TBC1D5: variants seen among roughly 807,000 people sequenced by gnomAD.
TBC1D5 encodes the protein TBC1 domain family member 5.
A neutral mutation model predicts 100.3 loss-of-function variants in TBC1D5; 75 were observed. That is an observed-to-expected ratio of 0.75 (90% CI 0.62 to 0.91). The LOEUF is 0.91. TBC1D5 is among the 40% of genes least tolerant of loss of function. The pLI is 0.00. For missense variants in TBC1D5, 910 were observed against 942.4 expected, an observed-to-expected ratio of 0.97 and a Z score of 0.45; for synonymous variants, 323 against 325.6, an observed-to-expected ratio of 0.99 and a Z score of 0.09.
At chr3:17,203,448 G>A (rs1575933196) in intron 18 of TBC1D5, among the ~76,000 whole-genome samples, 1 of 152,318 alleles carries the variant, frequency 6.6e-6, no homozygotes, top group African/African-American at 2.4e-5. Flanking sequence ...GTTAAGACAG[G>A]ACTGTTGAGA....
At chr3:17,163,235 G>C (rs1479971226) in intron 21 of TBC1D5, among the ~76,000 whole-genome samples, 1 of 146,612 alleles carries the variant, frequency 6.8e-6, no homozygotes, top group Non-Finnish European at 1.5e-5. Context: ...CAGGGCCTTA[G>C]CAGCCATTTT....
chr3:17,727,953 C>T (rs549233558), intron 1 of TBC1D5, among the ~76,000 whole-genome samples: 1 of 152,258 alleles, frequency 6.6e-6, no homozygotes, highest in East Asian at 1.9e-4. Context: ...AATAAATGTT[C>T]ACTCTAAGAA....
At chr3:17,530,219 G>C (rs2096201382) in intron 2 of TBC1D5, among the ~76,000 whole-genome samples, 1 of 150,562 alleles carries the variant, frequency 6.6e-6, no homozygotes, top group South Asian at 2.1e-4. Context: ...ATTCCAGTCT[G>C]GGCGACAGAG....
At chr3:17,283,668 A>C (rs2080846565) in intron 15 of TBC1D5, among the ~76,000 whole-genome samples, 1 of 152,156 alleles carries the variant, frequency 6.6e-6, no homozygotes, top group Admixed American at 6.5e-5. Context: ...AGTAGTTTAT[A>C]ATAAGAAAAT....
intron 1 of TBC1D5, among the ~76,000 whole-genome samples, chr3:17,659,048 G>A (rs1377607023): frequency 6.6e-6 from 1 of 152,172 alleles, no homozygotes; most frequent in Non-Finnish European, 1.5e-5. Context: ...CCCATCCTTA[G>A]GAAGCAAATG....
chr3:17,456,646 A>G (rs1002326155), intron 3 of TBC1D5, among the ~76,000 whole-genome samples: 26 of 152,218 alleles, frequency 1.7e-4, no homozygotes, highest in Non-Finnish European at 1.0e-4. Flanking sequence ...AAGACAGCCA[A>G]TAACAAATGC....
intron 1 of TBC1D5, among the ~76,000 whole-genome samples, chr3:17,719,479 A>C (rs568346218): frequency 3.9e-5 from 6 of 152,170 alleles, no homozygotes; most frequent in Admixed American, 3.9e-4. Flanking sequence ...GTTTAACCTC[A>C]GTTTTCTTAA....
At chr3:17,260,478 T>C (rs1038853516) in intron 15 of TBC1D5, among the ~76,000 whole-genome samples, 13 of 152,176 alleles carry the variant, frequency 8.5e-5, no homozygotes, top group African/African-American at 2.9e-4. Flanking sequence ...TTGCTTTCAC[T>C]GAGGCCTATT....
intron 17 of TBC1D5, among the ~76,000 whole-genome samples, chr3:17,235,008 T>TATGTAC (rs1254590813): frequency 7.9e-5 from 12 of 152,170 alleles, no homozygotes; most frequent in Admixed American, 2.6e-4. Context: ...GTACTCTAAA[T>TATGTAC]TCACTGATAA....
intron 7 of TBC1D5, among the ~76,000 whole-genome samples, chr3:17,403,727 T>C (rs1187221767): frequency 6.6e-6 from 1 of 152,142 alleles, no homozygotes; most frequent in East Asian, 1.9e-4. Flanking sequence ...AGAAACTTCA[T>C]CATCTGCAGA....
intron 3 of TBC1D5, among the ~76,000 whole-genome samples, chr3:17,491,746 T>C (rs1232933521): frequency 6.6e-6 from 1 of 152,194 alleles, no homozygotes; most frequent in Non-Finnish European, 1.5e-5. Context: ...ATCAGGGATG[T>C]TGCCTTAAGT....
intron 15 of TBC1D5, among the ~76,000 whole-genome samples, chr3:17,281,945 G>T (rs114091712): frequency 0.013 from 1,978 of 151,902 alleles, 35 homozygotes; most frequent in African/African-American, 0.045. Flanking sequence ...CTTATGATTT[G>T]TAATCTTCAA....
intron 1 of TBC1D5, among the ~76,000 whole-genome samples, chr3:17,647,407 G>A (rs1021646675): frequency 6.6e-6 from 1 of 152,262 alleles, no homozygotes; most frequent in Admixed American, 6.5e-5. Context: ...CAAGCTACAG[G>A]GAATAAGGGA....
intron 13 of TBC1D5, among the ~76,000 whole-genome samples, chr3:17,352,458 T>A (rs1031299165): frequency 1.1e-4 from 16 of 151,906 alleles, no homozygotes; most frequent in Non-Finnish European, 1.8e-4. Flanking sequence ...ATAAATTTTT[T>A]AAAAATGTTC....
chr3:17,369,125 A>C (rs964976962), intron 13 of TBC1D5, among the ~76,000 whole-genome samples: 8 of 152,186 alleles, frequency 5.3e-5, no homozygotes, highest in African/African-American at 1.9e-4. Context: ...GATCATTTCT[A>C]AAAGTTTACT....
intron 19 of TBC1D5, among the ~76,000 whole-genome samples, chr3:17,180,916 C>CAAAA (rs76797012): frequency 2.1e-5 from 2 of 96,178 alleles, no homozygotes; most frequent in Non-Finnish European, 4.4e-5. Flanking sequence ...ACATTTACAC[C>CAAAA]AAAAAAAAAA....
intron 1 of TBC1D5, among the ~76,000 whole-genome samples, chr3:17,637,702 A>C (rs2064095807): frequency 6.6e-6 from 1 of 152,196 alleles, no homozygotes; most frequent in Non-Finnish European, 1.5e-5. Context: ...CCAGCTGATA[A>C]AGATAAAAAA....
chr3:17,601,120 T>C (rs367933129), intron 2 of TBC1D5, among the ~76,000 whole-genome samples: 2 of 152,234 alleles, frequency 1.3e-5, no homozygotes, highest in African/African-American at 4.8e-5. Flanking sequence ...GGTCACCTAT[T>C]CTAAAACTGT....
chr3:17,375,263 T>A (rs1297845887), intron 10 of TBC1D5, among the ~76,000 whole-genome samples: 1 of 149,582 alleles, frequency 6.7e-6, no homozygotes, highest in African/African-American at 2.5e-5. Context: ...AAGAATACAC[T>A]CACATGTTAA....
Sources: gnomAD v4.1 joint callset for allele counts (sites outside exome capture counted in the v4.1 genomes callset) on GRCh38, gnomAD v4.1.1 for gene constraint, MANE v1.5 for transcripts, NCBI Gene and HGNC (gene_info 2026-07-23, HGNC 2026-07-21) for gene names.